Variants in SPTA1 observed in about 807,000 individuals in gnomAD.
SPTA1 encodes the protein spectrin alpha, erythrocytic 1.
In SPTA1, 177 loss-of-function variants were observed where a neutral mutation model predicts 324.7. The observed-to-expected ratio is 0.55, with a 90% confidence interval of 0.48 to 0.62. The LOEUF is 0.62. Ranked by LOEUF, SPTA1 falls within the 20% of genes least tolerant of loss-of-function variation. SPTA1 has a pLI of 0.00. For missense variants in SPTA1, 3,162 were observed against 2,883.6 expected, an observed-to-expected ratio of 1.10 and a Z score of -2.21; for synonymous variants, 1,195 against 1,041.3, an observed-to-expected ratio of 1.15 and a Z score of -2.84.
chr1:158,678,463 A>G lies in SPTA1; in HGVS notation c.750T>C (p.Arg250=). The G allele has an allele frequency of 6.2e-7, 1 of 1,613,818 alleles. No individual in the cohort carries two copies. Among genetic ancestry groups the G allele is most frequent in the South Asian group, 1.1e-5 (1 of 91,072 alleles). The part of the protein sequence containing the change: ...NEVNAAWERL[R]GLALQRQKAL... ...CTTTCTGTCTCTGGAGAGCCAAACC[A>G]CGAAGGCGCTCCCAGGCAGCATTCA... The change falls in exon 6 of 52, where the codon CGT becomes CGC. Residue 250 remains arginine (R), a synonymous_variant. Coordinates refer to ENST00000643759, the MANE Select transcript of SPTA1 (RefSeq NM_003126.4).
intron 47 of SPTA1, among the ~76,000 whole-genome samples, chr1:158,615,622 C>A (rs1305410374): frequency 6.6e-6 from 1 of 152,062 alleles, no homozygotes. Flanking sequence ...TGGTATTCTG[C>A]AACATATAAA....
intron 30 of SPTA1, 129 bp from the exon 31 acceptor site, chr1:158,643,554 T>C (rs1390255748): frequency 2.2e-5 from 20 of 891,274 alleles, no homozygotes; most frequent in Non-Finnish European, 2.5e-5. Context: ...GGTCAAATAA[T>C]ATATGCCTTA....
At position 158,620,165 on chromosome 1, in the gene SPTA1, G is replaced by A. The variant is rs572565496; in HGVS notation, c.6417+5C>T. Reference sequence around the variant, plus strand: ...AAAGGAAGTTTCTGCCGTGTTCCAGGTTACCTCAATGATGTCAGATAGGTG... The same window carrying A: ...AAAGGAAGTTTCTGCCGTGTTCCAGATTACCTCAATGATGTCAGATAGGTG... On this transcript the variant is annotated splice_donor_5th_base_variant and intron_variant, in intron 44 of 51. Transcript: ENST00000643759. The A allele has an allele frequency of 3.7e-6, 6 of 1,614,076 alleles. No homozygotes were observed. The African/African-American group carries it at 8.0e-5, about 22-fold the overall frequency.
At chr1:158,685,066 A>T (rs1192711120) in intron 2 of SPTA1, 42 bp downstream of exon 2, 1 of 1,612,424 alleles carries the variant, frequency 6.2e-7, no homozygotes, top group Admixed American at 1.7e-5. Context: ...TTCTCTAGAG[A>T]TCTTAGGGTC....
chr1:158,639,312 AT>A (rs750246853), intron 35 of SPTA1: 12 of 472,076 alleles, frequency 2.5e-5, no homozygotes, highest in Non-Finnish European at 4.6e-5. Flanking sequence ...ATTGGCTTAT[AT>A]GTATGCATCA....
chr1:158,669,462 G>A lies in SPTA1; in HGVS notation c.1779C>T (p.Asp593=). 6.2e-7 allele frequency: 1 copy of A among 1,613,980 alleles called. No homozygotes were observed. The highest frequency in any genetic ancestry group is 1.3e-5 in the African/African-American group (1 of 74,958). The change falls in exon 14 of 52, where the codon GAC becomes GAT. Residue 593 remains aspartate (D), a synonymous_variant. Transcript: ENST00000643759. The stretch of plus-strand genomic sequence containing the variant: ...TCTTCTTGTTGATCCAGTTCTTTAG[G>A]TCATCTGAGTCCTCATACAGTTTTT... ...LLQKLYEDSD[D]LKNWINKKKK...
chr1:158,639,233 G>T, intron 35 of SPTA1: 3 of 283,108 alleles, frequency 1.1e-5, no homozygotes, highest in African/African-American at 4.4e-5. Flanking sequence ...CTGATTTTTT[G>T]TTTGTAATTC....
At chr1:158,638,678 T>C (rs2101815244) in intron 35 of SPTA1, among the ~76,000 whole-genome samples, 1 of 144,104 alleles carries the variant, frequency 6.9e-6, no homozygotes. Flanking sequence ...TAGCCGGGCA[T>C]GCTGGCGTGT....
intron 49 of SPTA1, among the ~76,000 whole-genome samples, 156 bp from the exon 50 acceptor site, chr1:158,614,023 AT>A (rs1037291356): frequency 1.4e-4 from 21 of 152,324 alleles, no homozygotes; most frequent in Non-Finnish European, 2.1e-4. Flanking sequence ...TGTCATGTAC[AT>A]TTTTTTAACC....
chr1:158,660,298 A>G (rs1332693), intron 18 of SPTA1, among the ~76,000 whole-genome samples: 13,359 of 152,216 alleles, frequency 0.088, 1,943 homozygotes, highest in African/African-American at 0.3. Context: ...CACTTTAAAT[A>G]TAAGAAACAG....
chr1:158,673,159 G>T lies in SPTA1; in HGVS notation c.1351-963C>A, dbSNP rs1054338179. The stretch of plus-strand genomic sequence containing the variant: ...GCAGAATAAACTATCAGAATCCCAG[G>T]ATAACTGTTAAGTTTTTAAGTACTT... On this transcript the variant is annotated intron_variant, in intron 10 of 51. Transcript: ENST00000643759. 2.0e-5 allele frequency among the ~76,000 whole-genome samples: 3 copies of T among 152,022 alleles called. No homozygotes were observed. The East Asian group carries it at 5.8e-4, about 29-fold the overall frequency.
chr1:158,611,151 A>ACACACC lies in SPTA1; in HGVS notation c.*112_*113insGGTGTG. Reference sequence around the variant, plus strand: ...CACAAGCACACACACACACACACACACACACACACACACACGAGGCCATCT... The same window carrying ACACACC: ...CACAAGCACACACACACACACACACACACACCCACACACACACACACGAGGCCATCT... On this transcript the variant is annotated 3_prime_UTR_variant, in exon 52 of 52. Transcript: ENST00000643759. 7.7e-7 allele frequency: 1 copy of ACACACC among 1,302,854 alleles called. No individual in the cohort carries two copies. Among genetic ancestry groups the ACACACC allele is most frequent in the South Asian group, 1.2e-5 (1 of 82,500 alleles). 80.7% of individuals were successfully genotyped at this position (1,302,854 alleles called of 1,614,324 possible).
At chr1:158,621,829 A>T (rs942948097) in intron 43 of SPTA1, among the ~76,000 whole-genome samples, 1 of 152,196 alleles carries the variant, frequency 6.6e-6, no homozygotes, top group African/African-American at 2.4e-5. Flanking sequence ...CTTAGGGTCT[A>T]GGAGTGCTCA....
At chr1:158,639,276 C>A in intron 35 of SPTA1, 2 of 322,104 alleles carry the variant, frequency 6.2e-6, no homozygotes, top group East Asian at 6.9e-5. Context: ...TTTCAAATAC[C>A]AGATCAAATA....
rs895328843 is a variant in SPTA1, at chr1:158,648,524, T to C, written c.3699A>G (p.Val1233=). ...CTTGTCTCACCTTATCTCCCAGGGG[T>C]ACGAGGTCCCTTTCAAAGCCCTCAT... ...RRHEGFERDL[V]PLGDKVTILG... is the part of the protein sequence containing the mutation. Residue 1233 remains valine (V), a synonymous_variant, in exon 26 of 52, where the codon GTA becomes GTG. Transcript: ENST00000643759. The C allele has an allele frequency of 6.2e-7, 1 of 1,613,780 alleles. No individual in the cohort carries two copies. Among genetic ancestry groups the C allele is most frequent in the African/African-American group, 1.3e-5 (1 of 74,872 alleles).
At chr1:158,643,521 G>C (rs1651771387) in intron 30 of SPTA1, 96 bp from the exon 31 acceptor site, 1 of 1,218,976 alleles carries the variant, frequency 8.2e-7, no homozygotes, top group East Asian at 2.4e-5. Flanking sequence ...GGTATCCTTT[G>C]TGGATTCAGA....
intron 25 of SPTA1, 86 bp from the exon 26 acceptor site, chr1:158,648,739 T>C: frequency 6.9e-7 from 1 of 1,456,772 alleles, no homozygotes; most frequent in Non-Finnish European, 9.4e-7. Context: ...TTATCATCAC[T>C]ACCACTCACC....
chr1:158,630,810 T>C (rs1337872713), intron 39 of SPTA1, among the ~76,000 whole-genome samples: 2 of 151,454 alleles, frequency 1.3e-5, no homozygotes, highest in Admixed American at 6.6e-5. Context: ...AAATAAAAAA[T>C]AAAAATAAAA....
chr1:158,669,681 C>T (rs1396296969), intron 13 of SPTA1, 28 bp downstream of exon 13: 1 of 1,614,036 alleles, frequency 6.2e-7, no homozygotes, highest in Non-Finnish European at 8.5e-7. Flanking sequence ...TGTGTAGGCA[C>T]ACAGAAGCTC....
Sources: allele counts gnomAD v4.1 joint callset (sites outside exome capture counted in the v4.1 genomes callset), GRCh38; gene constraint gnomAD v4.1.1; transcripts MANE v1.5; gene names NCBI Gene and HGNC (gene_info 2026-07-23, HGNC 2026-07-21).